Variants in VIPR1 observed in about 807,000 individuals in gnomAD.
VIPR1 encodes the protein vasoactive intestinal polypeptide receptor 1.
Under a neutral mutation model 58.8 loss-of-function variants are expected in VIPR1, and 59 were observed. The observed-to-expected ratio is 1.00, with a 90% confidence interval of 0.81 to 1.25. The LOEUF (loss-of-function observed/expected upper bound fraction) is 1.25, where lower values mean the gene tolerates loss of function less well. Among genes scored for constraint, VIPR1 ranks in the 50% most tolerant of loss-of-function variants. VIPR1 has a pLI of 0.00. For synonymous variants in VIPR1, 251 were observed against 242.1 expected (o/e 1.04, Z -0.34); for missense variants, 626 against 602.7 (o/e 1.04, Z -0.40).
At chr3:42,493,065 G>T (rs1418929827) in intron 1 of VIPR1, among the ~76,000 whole-genome samples, 1 of 152,238 alleles carries the variant, frequency 6.6e-6, no homozygotes, top group Non-Finnish European at 1.5e-5. Flanking sequence ...TGTAATGAGA[G>T]TATAAAGCCA....
chr3:42,524,650 G>T (rs407931), intron 3 of VIPR1, among the ~76,000 whole-genome samples: 3 of 151,990 alleles, frequency 2.0e-5, no homozygotes, highest in African/African-American at 7.3e-5. Context: ...CCGGGCATAC[G>T]GCAAAGTTTG....
intron 3 of VIPR1, among the ~76,000 whole-genome samples, chr3:42,520,514 T>C (rs1700862598): frequency 6.8e-6 from 1 of 148,122 alleles, no homozygotes; most frequent in South Asian, 2.2e-4. Flanking sequence ...AGTGGGAGAG[T>C]TGTTTATGGA....
In VIPR1 at chr3:42,525,996, G is replaced by T; in HGVS notation, c.399+3G>T. 6.2e-7 allele frequency: 1 copy of T among 1,608,454 alleles called. No homozygotes were observed. Among genetic ancestry groups the T allele is most frequent in the East Asian group, 2.2e-5 (1 of 44,676 alleles). On this transcript the variant is annotated splice_donor_region_variant and intron_variant, in intron 4 of 12. Transcript: ENST00000325123. ...ACAAGGCAGCGAGTTTGGATGAGGT[G>T]GGTCTCAGGGCACCCCCACCTCACC...
rs766898951 is a variant in VIPR1 at position 42,524,477 on chromosome 3, G to A, written c.293-1410G>A. 4.4e-4 allele frequency among the ~76,000 whole-genome samples: 67 copies of A among 152,294 alleles called. 1 individual carries two copies. The highest frequency in any genetic ancestry group is 2.4e-4 in the Non-Finnish European group (16 of 68,032). ...CCATCCTGCCCTCCCTGGGCCATGC[G>A]GTGGAAATAGACCCAGCCCACGGCT... is the stretch of plus-strand genomic sequence containing the variant. On this transcript the variant is annotated intron_variant, in intron 3 of 12. Transcript: ENST00000325123.
chr3:42,531,962 C>A, intron 9 of VIPR1, 93 bp downstream of exon 9: 1 of 1,446,008 alleles, frequency 6.9e-7, no homozygotes, highest in South Asian at 1.2e-5. Flanking sequence ...GTATCTAGGT[C>A]AGAACTGAAA....
In VIPR1 at chr3:42,536,348, G is replaced by A; in HGVS notation, c.*67G>A. 7.0e-7 allele frequency: 1 copy of A among 1,438,462 alleles called. No individual in the cohort carries two copies. Among genetic ancestry groups the A allele is most frequent in the Non-Finnish European group, 9.1e-7 (1 of 1,102,198 alleles). 89.1% of individuals were successfully genotyped at this position (1,438,462 alleles called of 1,614,324 possible). On this transcript the variant is annotated 3_prime_UTR_variant, in exon 13 of 13. Transcript: ENST00000325123. ...TTCCCACTCACCCCGGCAGACGCCGGGGACAGAGGCCTGCCCGGGCGCGGC... is the reference window on the plus strand; with the variant it reads ...TTCCCACTCACCCCGGCAGACGCCGAGGACAGAGGCCTGCCCGGGCGCGGC...
intron 3 of VIPR1, among the ~76,000 whole-genome samples, chr3:42,524,661 G>A (rs62248806): frequency 0.13 from 19,715 of 152,128 alleles, 1,430 homozygotes; most frequent in Middle Eastern, 0.17. Context: ...GCAAAGTTTG[G>A]AAATAAACAC....
At chr3:42,528,794 C>CACTCATTCCTTGTGGTCAGTA (rs1240391244) in intron 6 of VIPR1, 1 of 152,468 alleles carries the variant, frequency 6.6e-6, no homozygotes, top group African/African-American at 2.4e-5. Context: ...CCCCAGCCCC[C>CACTCATTCCTTGTGGTCAGTA]ACTCATTCCT....
intron 2 of VIPR1, among the ~76,000 whole-genome samples, chr3:42,518,869 A>G (rs980840284): frequency 1.5e-4 from 23 of 152,240 alleles, no homozygotes; most frequent in African/African-American, 5.5e-4. Context: ...GAGACAATTC[A>G]TCATTGTGCA....
chr3:42,512,584 G>T (rs1273065208), intron 1 of VIPR1, among the ~76,000 whole-genome samples: 1 of 152,098 alleles, frequency 6.6e-6, no homozygotes, highest in Non-Finnish European at 1.5e-5. Context: ...CAGGGGAGGT[G>T]GTTGAGGCCC....
rs1278738156 is a variant in VIPR1, at chr3:42,536,133, A to G, written c.1226A>G (p.Gln409Arg). 2 of 1,605,648 alleles carry G rather than the reference A, an allele frequency of 1.2e-6. No individual in the cohort carries two copies. Among genetic ancestry groups the G allele is most frequent in the East Asian group, 2.3e-5 (1 of 44,440 alleles). Residue 409 changes from glutamine (Q) to arginine (R), a missense_variant, in exon 13 of 13, where the codon CAG becomes CGG. By Grantham distance (43) the Gln-to-Arg change is conservative (BLOSUM62 1). Transcript: ENST00000325123. ...CGGAAGTGGCGGCGCTGGCACCTGC[A>G]GGGCGTCCTGGGCTGGAACCCCAAA... ...LRRKWRRWHL[Q>R]GVLGWNPKYR...
upstream of VIPR1, among the ~76,000 whole-genome samples, chr3:42,499,087 G>A (rs1279206426): frequency 6.6e-6 from 1 of 152,020 alleles, no homozygotes; most frequent in Non-Finnish European, 1.5e-5. Context: ...GAAGCCCGGA[G>A]AAAGCAAATG....
chr3:42,509,730 GTCT>G (rs1700278430), intron 1 of VIPR1: 1 of 152,252 alleles, frequency 6.6e-6, no homozygotes, highest in Non-Finnish European at 1.5e-5. Context: ...CTCCATCCTG[GTCT>G]TCTTCTGTCC....
intron 2 of VIPR1, 108 bp downstream of exon 2, chr3:42,513,962 T>C (rs1159437153): frequency 6.3e-6 from 8 of 1,260,424 alleles, no homozygotes; most frequent in Non-Finnish European, 7.7e-6. Flanking sequence ...TATTGGATGA[T>C]GGTGAGGAGC....
At chr3:42,534,576 T>C in intron 10 of VIPR1, 1 of 162,376 alleles carries the variant, frequency 6.2e-6, no homozygotes, top group Non-Finnish European at 1.3e-5. Flanking sequence ...GAGCATCCTC[T>C]ACTGCAATGA....
In VIPR1 at chr3:42,528,067, A is replaced by G. The variant is rs767218312; in HGVS notation, c.580A>G (p.Ile194Val). Reference protein sequence around the residue: ...SFILRAAAVFIKDLALFDSGE... With the variant: ...SFILRAAAVFVKDLALFDSGE... ...CATCCTGAGGGCTGCCGCTGTCTTC[A>G]TCAAAGACTTGGCCCTCTTCGACAG... The change falls in exon 6 of 13, where the codon ATC (isoleucine) becomes GTC (valine). Residue 194 changes from isoleucine (I) to valine (V), a missense_variant. Coordinates refer to ENST00000325123, the MANE Select transcript of VIPR1 (RefSeq NM_004624.4). The G allele has an allele frequency of 1.2e-6, 2 of 1,614,062 alleles. No individual in the cohort carries two copies. Among genetic ancestry groups the G allele is most frequent in the South Asian group, 1.1e-5 (1 of 91,088 alleles).
chr3:42,495,181 G>T (rs1272909741), intron 1 of VIPR1, among the ~76,000 whole-genome samples: 1 of 152,072 alleles, frequency 6.6e-6, no homozygotes, highest in East Asian at 1.9e-4. Flanking sequence ...GAGTGCAGTG[G>T]CATGATCTCG....
chr3:42,514,758 G>T (rs549511657), intron 2 of VIPR1, among the ~76,000 whole-genome samples: 48 of 152,234 alleles, frequency 3.2e-4, no homozygotes, highest in Non-Finnish European at 6.2e-4. Context: ...GGCTGGGAGA[G>T]CCCCACCTGG....
upstream of VIPR1, among the ~76,000 whole-genome samples, chr3:42,502,455 G>A (rs967428271): frequency 1.3e-5 from 2 of 152,250 alleles, no homozygotes; most frequent in East Asian, 3.9e-4. Context: ...AGACCAAGGT[G>A]TGGGATTGGC....
Sources: gnomAD v4.1 joint callset for allele counts (sites outside exome capture counted in the v4.1 genomes callset) on GRCh38, gnomAD v4.1.1 for gene constraint, MANE v1.5 for transcripts, NCBI Gene and HGNC (gene_info 2026-07-23, HGNC 2026-07-21) for gene names.